The following AFG3L2 variants were observed in gnomAD, a reference collection of about 807,000 sequenced individuals.
The protein encoded by AFG3L2 is AFG3 like matrix AAA peptidase subunit 2.
AFG3L2 carries 54 observed loss-of-function variants against 94.5 expected under a neutral mutation model. The observed-to-expected ratio is 0.57, with a 90% CI of 0.46 to 0.72. The LOEUF (loss-of-function observed/expected upper bound fraction) is 0.72, where lower values mean the gene tolerates loss of function less well. AFG3L2 is among the 30% of genes least tolerant of loss of function. The pLI is 0.00. For synonymous variants in AFG3L2, 377 were observed against 365.5 expected (o/e 1.03, Z -0.36); for missense variants, 754 against 994.9 (o/e 0.76, Z 3.26).
At chr18:12,366,036 G>A (rs1023851246) in intron 5 of AFG3L2, among the ~76,000 whole-genome samples, 7 of 151,978 alleles carry the variant, frequency 4.6e-5, no homozygotes, top group Non-Finnish European at 7.4e-5. Flanking sequence ...CACCACACCC[G>A]GCTAATTTTT....
Position 12,329,115 on chromosome 18 carries a change from T to G in AFG3L2, c.*450A>C, listed in dbSNP as rs1439734287. 3 of 702,776 alleles carry G rather than the reference T, an allele frequency of 4.3e-6. No individual in the cohort carries two copies. The African/African-American group carries it at 5.2e-5, about 12-fold the overall frequency. 43.5% of individuals were successfully genotyped at this position (702,776 alleles called of 1,614,324 possible). ...TAAAATATTAAGTCAAATTAAAATG[T>G]TCTTATCAAGACTCCAATTTAATTT... On this transcript the variant is annotated 3_prime_UTR_variant, in exon 17 of 17. Transcript: ENST00000269143.
In AFG3L2 at chr18:12,344,116, A is replaced by G. The variant is rs777685334; in HGVS notation, c.1779+16T>C. On this transcript the variant is annotated intron_variant, in intron 14 of 16. Transcript: ENST00000269143. ...CACCCATGCACTGGCTGCCTAGTGCAGCTACCCTGCTTCACCTTTAAAAGC... is the reference window on the plus strand; with the variant it reads ...CACCCATGCACTGGCTGCCTAGTGCGGCTACCCTGCTTCACCTTTAAAAGC... The G allele has an allele frequency of 4.3e-6, 7 of 1,609,592 alleles. No homozygotes were observed. Among genetic ancestry groups the G allele is most frequent in the Non-Finnish European group, 5.1e-6 (6 of 1,177,492 alleles).
intron 6 of AFG3L2, among the ~76,000 whole-genome samples, chr18:12,361,570 C>G (rs1908663153): frequency 6.6e-6 from 1 of 152,186 alleles, no homozygotes; most frequent in South Asian, 2.1e-4. Flanking sequence ...CTTCTTGAAC[C>G]TGGGAGGCGG....
At chr18:12,358,631 A>G (rs767127026) in intron 8 of AFG3L2, 39 bp downstream of exon 8, 1 of 1,593,450 alleles carries the variant, frequency 6.3e-7, no homozygotes, top group East Asian at 2.2e-5. Flanking sequence ...TCAGAGATCA[A>G]GAAACATTTC....
chr18:12,376,313 G>T (rs1909154156), intron 1 of AFG3L2, among the ~76,000 whole-genome samples: 1 of 152,202 alleles, frequency 6.6e-6, no homozygotes, highest in African/African-American at 2.4e-5. Flanking sequence ...CATTGAGACT[G>T]ATCACGGCCA....
chr18:12,366,840 C>A (rs971754447), intron 5 of AFG3L2, 125 bp downstream of exon 5: 7 of 1,352,098 alleles, frequency 5.2e-6, no homozygotes, highest in Admixed American at 3.4e-5. Context: ...TTAGAAAAAT[C>A]TGAGTGAAAA....
intron 1 of AFG3L2, among the ~76,000 whole-genome samples, chr18:12,372,419 C>A (rs1909019689): frequency 6.6e-6 from 1 of 152,140 alleles, no homozygotes; most frequent in Admixed American, 6.6e-5. Context: ...GAAACTGGAG[C>A]CCTGTACACT....
rs755934792 is a variant in AFG3L2 at position 12,337,473 on chromosome 18, C to A, written c.2043G>T (p.Gly681=). 1.2e-6 allele frequency: 2 copies of A among 1,614,096 alleles called. No individual in the cohort carries two copies. Among genetic ancestry groups the A allele is most frequent in the African/African-American group, 1.3e-5 (1 of 74,930 alleles). The stretch of plus-strand genomic sequence containing the variant: ...TGTAAGGTTTCTCCAATACCATGTC[C>A]CCCTGACGTGGGAGGTCAAAGGAGA... The part of the protein sequence containing the change: ...GQISFDLPRQ[G]DMVLEKPYSE... Residue 681 remains glycine (G), a synonymous_variant, in exon 16 of 17, where the codon GGG becomes GGT. Coordinates refer to ENST00000269143, the MANE Select transcript of AFG3L2 (RefSeq NM_006796.3).
At chr18:12,335,686 G>A (rs936347121) in intron 16 of AFG3L2, among the ~76,000 whole-genome samples, 4 of 152,070 alleles carry the variant, frequency 2.6e-5, no homozygotes, top group East Asian at 1.9e-4. Context: ...GCTCCACGCC[G>A]CACACTCTTC....
chr18:12,333,065 C>A (rs1466607886), intron 16 of AFG3L2, among the ~76,000 whole-genome samples: 4 of 91,612 alleles, frequency 4.4e-5, no homozygotes, highest in African/African-American at 1.5e-4. Context: ...AGATTATAAT[C>A]TATTATATAA....
chr18:12,333,142 TAA>T (rs1473849276), intron 16 of AFG3L2, among the ~76,000 whole-genome samples: 1 of 72,522 alleles, frequency 1.4e-5, no homozygotes, highest in African/African-American at 5.0e-5. Flanking sequence ...ATAATATATA[TAA>T]TATATAATAA....
chr18:12,338,826 T>C (rs1907837749), intron 15 of AFG3L2, among the ~76,000 whole-genome samples: 1 of 151,872 alleles, frequency 6.6e-6, no homozygotes, highest in Admixed American at 6.6e-5. Context: ...CTAAAAGAAA[T>C]CAGGGAAATG....
At chr18:12,363,582 T>C (rs560896265) in intron 6 of AFG3L2, among the ~76,000 whole-genome samples, 200 bp downstream of exon 6, 31 of 152,314 alleles carry the variant, frequency 2.0e-4, no homozygotes, top group African/African-American at 7.2e-4. Context: ...AACAAAACAA[T>C]GACCCAATCC....
At chr18:12,356,565 T>C (rs1908502049) in intron 9 of AFG3L2, 129 bp downstream of exon 9, 6 of 1,347,658 alleles carry the variant, frequency 4.5e-6, no homozygotes, top group Non-Finnish European at 6.3e-6. Context: ...GGAGGAGAGC[T>C]CAGGCCAGGG....
Position 12,356,617 on chromosome 18 carries a change from T to C in AFG3L2, c.1164+77A>G, listed in dbSNP as rs571504908. On this transcript the variant is annotated intron_variant, in intron 9 of 16. Coordinates refer to ENST00000269143, the MANE Select transcript of AFG3L2 (RefSeq NM_006796.3). Reference sequence around the variant, plus strand: ...TCTAGCACTCTAGGGGGAAGGGCCATCTCTAGCAAGTGCCTCCATCTGTGG... The same window carrying C: ...TCTAGCACTCTAGGGGGAAGGGCCACCTCTAGCAAGTGCCTCCATCTGTGG... 457 of 1,602,606 alleles carry C rather than the reference T, an allele frequency of 2.9e-4. 4 individuals carry two copies. The highest frequency in any genetic ancestry group is 2.2e-3 in the South Asian group (195 of 90,644).
At position 12,337,409 on chromosome 18, in the gene AFG3L2, T is replaced by C. The variant is rs1363786303; in HGVS notation, c.2107A>G (p.Ile703Val). The part of the protein sequence containing the change: ...TARLIDDEVR[I>V]LINDAYKRTV... The stretch of plus-strand genomic sequence containing the variant: ...CTTTTATAAGCATCATTAATAAGTA[T>C]TCGTACTTCATCATCTATCAATCTT... The change falls in exon 16 of 17, where the codon ATA becomes GTA. Residue 703 changes from isoleucine to valine, a missense_variant. This residue lies in a region of AFG3L2 where 279 missense variants were observed against 378.6 expected (regional missense o/e 0.74). Coordinates refer to ENST00000269143, the MANE Select transcript of AFG3L2 (RefSeq NM_006796.3). The C allele has an allele frequency of 6.2e-7, 1 of 1,614,120 alleles. No individual in the cohort carries two copies. The highest frequency in any genetic ancestry group is 1.3e-5 in the African/African-American group (1 of 75,068).
At chr18:12,366,611 T>TGGCACACGAC (rs1908815246) in intron 5 of AFG3L2, among the ~76,000 whole-genome samples, 2 of 151,452 alleles carry the variant, frequency 1.3e-5, no homozygotes, top group African/African-American at 4.9e-5. Flanking sequence ...TGGCACATGA[T>TGGCACACGAC]AGCACAGAGC....
chr18:12,344,185 C>T lies in AFG3L2; in HGVS notation c.1726G>A (p.Ala576Thr). 6.2e-7 allele frequency: 1 copy of T among 1,614,156 alleles called. No homozygotes were observed. Among genetic ancestry groups the T allele is most frequent in the East Asian group, 2.2e-5 (1 of 44,884 alleles). Reference sequence around the variant, plus strand: ...TACCAGCCGGCAACCGCATGGCCTGCTTCGTGGTATGCCACAGTCTTCTTC... The same window carrying T: ...TACCAGCCGGCAACCGCATGGCCTGTTTCGTGGTATGCCACAGTCTTCTTC... The part of the protein sequence containing the change: ...EEKKTVAYHE[A>T]GHAVAGWYLE... Residue 576 changes from alanine (A) to threonine (T), a missense_variant, in exon 14 of 17, where the codon GCA becomes ACA. Around this residue, in one of 4 missense-constraint regions of AFG3L2, gnomAD observed 279 missense variants for 378.6 expected, o/e 0.74. Transcript: ENST00000269143.
At position 12,329,171 on chromosome 18, in the gene AFG3L2, G is replaced by T; in HGVS notation, c.*394C>A. 1.4e-6 allele frequency: 1 copy of T among 703,000 alleles called. No individual in the cohort carries two copies. Among genetic ancestry groups the T allele is most frequent in the Non-Finnish European group, 2.6e-6 (1 of 385,000 alleles). The allele number at this position is 703,000 out of a possible 1,614,324, so 43.5% of individuals were successfully genotyped here. On this transcript the variant is annotated 3_prime_UTR_variant, in exon 17 of 17. Transcript: ENST00000269143. The stretch of plus-strand genomic sequence containing the variant: ...CCCATCTGCACAGGGGAACTGAGGA[G>T]AAACAGGAATGAAGAGTGGGCGACA...
Sources: allele counts gnomAD v4.1 joint callset (sites outside exome capture counted in the v4.1 genomes callset), GRCh38; gene constraint gnomAD v4.1.1; regional missense constraint gnomAD v4.1.1; transcripts MANE v1.5; gene names NCBI Gene and HGNC (gene_info 2026-07-23, HGNC 2026-07-21).